The following MFSD6 variants were observed in gnomAD, a reference collection of about 807,000 sequenced individuals.
MFSD6 encodes the protein major facilitator superfamily domain containing 6.
A neutral mutation model predicts 56.3 loss-of-function variants in MFSD6; 26 were observed. The observed-to-expected ratio is 0.46, with a 90% confidence interval of 0.34 to 0.64. The LOEUF is 0.64. Ranked by LOEUF, MFSD6 falls within the 30% of genes least tolerant of loss-of-function variation. MFSD6 has a pLI of 0.01. For missense variants in MFSD6, 750 were observed against 986.2 expected (o/e 0.76, Z 3.21); for synonymous variants, 331 against 366.9 (o/e 0.90, Z 1.12).
intron 4 of MFSD6, among the ~76,000 whole-genome samples, chr2:190,474,966 C>T (rs866983578): frequency 9.8e-5 from 15 of 152,330 alleles, no homozygotes; most frequent in African/African-American, 3.6e-4. Flanking sequence ...AGACAAAAAT[C>T]ACATGATTAT....
rs1168590663 is a variant in MFSD6 at position 190,431,157 on chromosome 2, C to T, written c.-53-4820C>T. ...ACATCTCAGACGATGGGCAGCCAGG[C>T]AGAGACGCTCCTCACTTCCCAGATG... On this transcript the variant is annotated intron_variant, in intron 2 of 7. Coordinates refer to ENST00000392328, the MANE Select transcript of MFSD6 (RefSeq NM_017694.4). The surrounding 1 kb of genome is among the most constrained non-coding windows in gnomAD (Gnocchi z 4.4). Among the ~76,000 whole-genome samples, 2 of 151,632 alleles carry T rather than the reference C, an allele frequency of 1.3e-5. No individual in the cohort carries two copies. Among genetic ancestry groups the T allele is most frequent in the Non-Finnish European group, 2.9e-5 (2 of 67,934 alleles).
At position 190,459,880 on chromosome 2, in the gene MFSD6, C is replaced by T. The variant is rs1172013030; in HGVS notation, c.1533-9878C>T. On this transcript the variant is annotated intron_variant, in intron 3 of 7. Coordinates refer to ENST00000392328, the MANE Select transcript of MFSD6 (RefSeq NM_017694.4). This position sits in a 1 kb window ranked among gnomAD's most constrained non-coding sequence, Gnocchi z 5.3. ...AGTATTAGTAGCTGCAGAAAATATACACAGCTAAATATTATTTCTAATTCA... is the reference window on the plus strand; with the variant it reads ...AGTATTAGTAGCTGCAGAAAATATATACAGCTAAATATTATTTCTAATTCA... 6.6e-6 allele frequency among the ~76,000 whole-genome samples: 1 copy of T among 152,222 alleles called. No individual in the cohort carries two copies. The highest frequency in any genetic ancestry group is 1.5e-5 in the Non-Finnish European group (1 of 68,054).
rs546316766 is a variant in MFSD6 at position 190,491,295 on chromosome 2, T to G, written c.1891+1429T>G. 9.8e-5 allele frequency among the ~76,000 whole-genome samples: 15 copies of G among 152,304 alleles called. No individual in the cohort carries two copies. Among genetic ancestry groups the G allele is most frequent in the African/African-American group, 3.4e-4 (14 of 41,564 alleles). On this transcript the variant is annotated intron_variant, in intron 6 of 7. Transcript: ENST00000392328. The surrounding 1 kb of genome is among the most constrained non-coding windows in gnomAD (Gnocchi z 4.2). ...GATTAGGTTGCAGCTCACACTCAGG[T>G]GGACCGAGTAGCATGTGGAGACTTG... is the stretch of plus-strand genomic sequence containing the variant.
rs771110934 is a variant in MFSD6 at position 190,465,136 on chromosome 2, C to T, written c.1533-4622C>T. On this transcript the variant is annotated intron_variant, in intron 3 of 7. Coordinates refer to ENST00000392328, the MANE Select transcript of MFSD6 (RefSeq NM_017694.4). This position sits in a 1 kb window ranked among gnomAD's most constrained non-coding sequence, Gnocchi z 4.6. ...TTATATAAGAAATTAGAATCTGTAA[C>T]AATTTTTTTCTCCTACTCTTGTAGT... Among the ~76,000 whole-genome samples the T allele has an allele frequency of 1.7e-4, 26 of 152,138 alleles. No individual in the cohort carries two copies. Among genetic ancestry groups the T allele is most frequent in the Admixed American group, 3.9e-4 (6 of 15,272 alleles).
In MFSD6 at chr2:190,461,324, A is replaced by G. The variant is rs988195403; in HGVS notation, c.1533-8434A>G. 6.6e-6 allele frequency among the ~76,000 whole-genome samples: 1 copy of G among 152,244 alleles called. No homozygotes were observed. Among genetic ancestry groups the G allele is most frequent in the Non-Finnish European group, 1.5e-5 (1 of 68,036 alleles). On this transcript the variant is annotated intron_variant, in intron 3 of 7. Coordinates refer to ENST00000392328, the MANE Select transcript of MFSD6 (RefSeq NM_017694.4). The surrounding 1 kb of genome is among the most constrained non-coding windows in gnomAD (Gnocchi z 5.5). ...TTGGAAAAACATTCAAAAGGTATTT[A>G]GTAAAGTCTCTCTCCCACCCCTTGG...
chr2:190,437,956 T>A lies in MFSD6; in HGVS notation c.1532+395T>A, dbSNP rs1431948852. 2.6e-5 allele frequency among the ~76,000 whole-genome samples: 4 copies of A among 152,282 alleles called. No individual in the cohort carries two copies. In the South Asian group the frequency reaches 8.3e-4, roughly 32 times the overall value. On this transcript the variant is annotated intron_variant, in intron 3 of 7. Transcript: ENST00000392328. The surrounding 1 kb of genome is among the most constrained non-coding windows in gnomAD (Gnocchi z 5.9). ...CAGAGCTTAAGTAGATAAAGTGGAC[T>A]TTTTTAAGCCTTTATTCTCAGCCAC...
At chr2:190,430,948 C>T (rs543302485) in intron 2 of MFSD6, among the ~76,000 whole-genome samples, 86 of 148,494 alleles carry the variant, frequency 5.8e-4, no homozygotes, top group Non-Finnish European at 9.2e-4. Flanking sequence ...ACTTCTCAGA[C>T]GGGGCGGCTG....
chr2:190,421,498 A>T (rs368925126), intron 2 of MFSD6, among the ~76,000 whole-genome samples: 1 of 97,444 alleles, frequency 1.0e-5, no homozygotes, highest in African/African-American at 3.8e-5. Context: ...TTACAAGGTT[A>T]CAAACCAAAA....
chr2:190,450,643 C>T (rs1686746362), intron 3 of MFSD6, among the ~76,000 whole-genome samples: 1 of 151,892 alleles, frequency 6.6e-6, no homozygotes. Context: ...CAGGCATGTG[C>T]CACCATGCCC....
In MFSD6 at chr2:190,454,260, CATGGAGCCCCTGGGGAGGTTTCCA is replaced by C. The variant is rs1296114460; in HGVS notation, c.1533-15495_1533-15472del. 1 of 152,180 alleles carries C rather than the reference CATGGAGCCCCTGGGGAGGTTTCCA, an allele frequency of 6.6e-6. No individual in the cohort carries two copies. The highest frequency in any genetic ancestry group is 1.5e-5 in the Non-Finnish European group (1 of 68,054). The allele number at this position is 152,180 out of a possible 1,614,324, so 9.4% of individuals were successfully genotyped here. On this transcript the variant is annotated intron_variant, in intron 3 of 7. Transcript: ENST00000392328. This position sits in a 1 kb window ranked among gnomAD's most constrained non-coding sequence, Gnocchi z 4.6. The stretch of plus-strand genomic sequence containing the variant: ...TACCTGAGAGCCTGCAGCCACGGTT[CATGGAGCCCCTGGGGAGGTTTCCA>C]ATTGTGTTAGAGAGTGAAGGTATTA...
rs3811609 is a variant in MFSD6, at chr2:190,489,765, T to C, written c.1793-3T>C. ...CTCTATAGAGTGCTGTTTGTTTTTA[T>C]AGGGGCTGCTGCAACCTTCCGAGGA... On this transcript the variant is annotated splice_region_variant and splice_polypyrimidine_tract_variant and intron_variant, in intron 5 of 7. Transcript: ENST00000392328. The surrounding 1 kb of genome is among the most constrained non-coding windows in gnomAD (Gnocchi z 6.6). The C allele has an allele frequency of 0.28, 452,850 of 1,612,636 alleles. 69,233 individuals are homozygous for C. Among genetic ancestry groups the C allele is most frequent in the Admixed American group, 0.57 (34,184 of 59,894 alleles).
At position 190,497,538 on chromosome 2, in the gene MFSD6, G is replaced by C; in HGVS notation, c.1991G>C (p.Arg664Pro). 1 of 1,614,142 alleles carries C rather than the reference G, an allele frequency of 6.2e-7. No individual in the cohort carries two copies. The highest frequency in any genetic ancestry group is 8.5e-7 in the Non-Finnish European group (1 of 1,180,018). ...CAACAGACAGAAGATGTCATGCCAC[G>C]CATTGAGCCCAGACTTCCACCCAAG... ...VQQQTEDVMP[R>P]IEPRLPPKKT... The change falls in exon 7 of 8, where the codon CGC becomes CCC. Residue 664 changes from arginine to proline, a missense_variant. By Grantham distance (103) the Arg-to-Pro change is moderately radical. This residue lies in a region of MFSD6 where 172 missense variants were observed against 203.9 expected (regional missense o/e 0.84). Coordinates refer to ENST00000392328, the MANE Select transcript of MFSD6 (RefSeq NM_017694.4). This position sits in a 1 kb window ranked among gnomAD's most constrained non-coding sequence, Gnocchi z 5.2.
In MFSD6 at chr2:190,500,058, A is replaced by G. The variant is rs768389713; in HGVS notation, c.2216A>G (p.Gln739Arg). 2 of 1,614,238 alleles carry G rather than the reference A, an allele frequency of 1.2e-6. No homozygotes were observed. The highest frequency in any genetic ancestry group is 2.2e-5 in the South Asian group (2 of 91,088). ...NRENSPAGRA[Q>R]PVPCETHSDP... ...GAAAATTCTCCTGCTGGTAGAGCCCAGCCTGTCCCATGTGAGACTCACTCT... is the reference window on the plus strand; with the variant it reads ...GAAAATTCTCCTGCTGGTAGAGCCCGGCCTGTCCCATGTGAGACTCACTCT... The change falls in exon 8 of 8, where the codon CAG (glutamine) becomes CGG (arginine). Residue 739 changes from glutamine to arginine, a missense_variant. By Grantham distance (43) the Gln-to-Arg change is conservative. Transcript: ENST00000392328. This position sits in a 1 kb window ranked among gnomAD's most constrained non-coding sequence, Gnocchi z 5.3.
In MFSD6 at chr2:190,496,401, A is replaced by C. The variant is rs1363883739; in HGVS notation, c.1892-1038A>C. ...TGCTGGTAGGAATGTAAGCTGTACA[A>C]ACACTATGGAAAACAGTGTGGAGAT... On this transcript the variant is annotated intron_variant, in intron 6 of 7. Coordinates refer to ENST00000392328, the MANE Select transcript of MFSD6 (RefSeq NM_017694.4). The surrounding 1 kb of genome is among the most constrained non-coding windows in gnomAD (Gnocchi z 4.7). Among the ~76,000 whole-genome samples the C allele has an allele frequency of 6.6e-6, 1 of 152,210 alleles. No homozygotes were observed. Among genetic ancestry groups the C allele is most frequent in the Admixed American group, 6.5e-5 (1 of 15,284 alleles).
intron 4 of MFSD6, among the ~76,000 whole-genome samples, chr2:190,483,619 G>C (rs113513615): frequency 0.16 from 23,712 of 151,922 alleles, 1,985 homozygotes; most frequent in East Asian, 0.3. Context: ...GGCAGATCAC[G>C]AGGTCAAGAG....
At chr2:190,455,724 G>T (rs569096920) in intron 3 of MFSD6, among the ~76,000 whole-genome samples, 1 of 152,020 alleles carries the variant, frequency 6.6e-6, no homozygotes, top group East Asian at 1.9e-4. Context: ...CAGGGGCATC[G>T]TGCGGAGGTC....
intron 4 of MFSD6, among the ~76,000 whole-genome samples, chr2:190,479,238 T>C (rs916389066): frequency 6.6e-6 from 1 of 152,252 alleles, no homozygotes; most frequent in African/African-American, 2.4e-5. Context: ...ATCTTTCTCA[T>C]GTTCAGTAAG....
rs989616069 is a variant in MFSD6, at chr2:190,423,461, C to T, written c.-54+8048C>T. Among the ~76,000 whole-genome samples the T allele has an allele frequency of 1.3e-5, 2 of 152,162 alleles. No homozygotes were observed. The highest frequency in any genetic ancestry group is 2.1e-4 in the South Asian group (1 of 4,826). On this transcript the variant is annotated intron_variant, in intron 2 of 7. Coordinates refer to ENST00000392328, the MANE Select transcript of MFSD6 (RefSeq NM_017694.4). The surrounding 1 kb of genome is among the most constrained non-coding windows in gnomAD (Gnocchi z 4.3). ...TATCCAGTTTATTGCATGTATCAAT[C>T]GTTTGCTCCTTTTTATTGCTGCATA... is the stretch of plus-strand genomic sequence containing the variant.
rs1006567894 is a variant in MFSD6, at chr2:190,426,679, G to T, written c.-53-9298G>T. ...CAGTGTCTATTATTTCCAAATGATG[G>T]TTGTTTTCAAAATGGTTGTCATTCC... On this transcript the variant is annotated intron_variant, in intron 2 of 7. Transcript: ENST00000392328. The surrounding 1 kb of genome is among the most constrained non-coding windows in gnomAD (Gnocchi z 4.7). Among the ~76,000 whole-genome samples the T allele has an allele frequency of 1.3e-5, 2 of 152,048 alleles. No individual in the cohort carries two copies. The highest frequency in any genetic ancestry group is 2.9e-5 in the Non-Finnish European group (2 of 68,022).
Sources: allele counts gnomAD v4.1 joint callset (sites outside exome capture counted in the v4.1 genomes callset), GRCh38; gene constraint gnomAD v4.1.1; regional missense constraint gnomAD v4.1.1; non-coding constraint Gnocchi (gnomAD v3.1); transcripts MANE v1.5; gene names NCBI Gene and HGNC (gene_info 2026-07-23, HGNC 2026-07-21).